USP24: variants seen among roughly 807,000 people sequenced by gnomAD.
The protein encoded by USP24 is ubiquitin carboxyl-terminal hydrolase 24.
A neutral mutation model predicts 361.6 loss-of-function variants in USP24; 97 were observed. The ratio of observed to expected loss-of-function variants is 0.27; its 90% CI spans 0.23 to 0.32. The LOEUF is 0.32. Ranked by LOEUF, USP24 falls within the 10% of genes least tolerant of loss-of-function variation. The pLI is 1.00. For synonymous variants in USP24, 1,098 were observed against 1,124.6 expected, an observed-to-expected ratio of 0.98 and a Z score of 0.47; for missense variants, 2,353 against 3,165.6, an observed-to-expected ratio of 0.74 and a Z score of 6.16.
At position 55,215,190 on chromosome 1, in the gene USP24, CCCTCCGCGCCG is replaced by C. The variant is rs562348294; in HGVS notation, c.-88_-78del. On this transcript the variant is annotated 5_prime_UTR_variant, in exon 1 of 68. Transcript: ENST00000294383. The stretch of plus-strand genomic sequence containing the variant: ...CGGGCCTGGCGGGCCGCGCGGCGCA[CCCTCCGCGCCG>C]CCTCCGCGCCCAGGTTGGCCCCTGC... The C allele has an allele frequency of 3.9e-4, 450 of 1,143,268 alleles. 5 individuals carry two copies. The South Asian group carries it at 0.013, about 32-fold the overall frequency. The allele number at this position is 1,143,268 out of a possible 1,614,324, so 70.8% of individuals were successfully genotyped here. A position where few individuals can be genotyped will look rare whatever the true frequency, so the allele number is the denominator to read the frequency against.
chr1:55,091,791 G>A (rs1241114024), intron 54 of USP24, among the ~76,000 whole-genome samples: 4 of 152,084 alleles, frequency 2.6e-5, no homozygotes, highest in Non-Finnish European at 5.9e-5. Context: ...TGCCCAATTC[G>A]AAGATGTACA....
intron 5 of USP24, among the ~76,000 whole-genome samples, chr1:55,167,929 G>A (rs538949982): frequency 6.6e-6 from 1 of 152,230 alleles, no homozygotes; most frequent in African/African-American, 2.4e-5. Flanking sequence ...GGAGATAATT[G>A]ACTCTTCAAG....
chr1:55,172,240 A>C, intron 4 of USP24, 137 bp downstream of exon 4: 1 of 900,518 alleles, frequency 1.1e-6, no homozygotes, highest in Non-Finnish European at 1.5e-6. Flanking sequence ...TGCTTTTAAA[A>C]TAAAGACAAA....
At chr1:55,098,416 C>T (rs1645546068) in intron 46 of USP24, 60 bp downstream of exon 46, 2 of 1,460,008 alleles carry the variant, frequency 1.4e-6, no homozygotes, top group African/African-American at 1.4e-5. Context: ...TTACAACATA[C>T]TAAACAAATC....
intron 39 of USP24, among the ~76,000 whole-genome samples, chr1:55,109,024 T>G (rs952292373): frequency 6.6e-6 from 1 of 152,242 alleles, no homozygotes; most frequent in Admixed American, 6.5e-5. Context: ...TGTCTCGCTC[T>G]GTCGCCCAGG....
At chr1:55,150,951 T>C (rs2100728840) in intron 16 of USP24, among the ~76,000 whole-genome samples, 1 of 152,350 alleles carries the variant, frequency 6.6e-6, no homozygotes, top group East Asian at 1.9e-4. Flanking sequence ...AGAGGTCAGT[T>C]GGTTTAGCCT....
intron 63 of USP24, 53 bp from the exon 64 acceptor site, chr1:55,073,959 C>G: frequency 1.4e-6 from 2 of 1,423,950 alleles, no homozygotes; most frequent in Non-Finnish European, 1.9e-6. Context: ...CTGAAAATGG[C>G]TCCAAGTGAC....
intron 51 of USP24, among the ~76,000 whole-genome samples, chr1:55,094,326 T>G (rs577718888): frequency 6.6e-6 from 1 of 152,312 alleles, no homozygotes; most frequent in East Asian, 1.9e-4. Flanking sequence ...GATAAAATAG[T>G]GCAGGGCAAA....
intron 26 of USP24, among the ~76,000 whole-genome samples, chr1:55,138,388 C>T (rs554257310): frequency 6.6e-6 from 1 of 152,218 alleles, no homozygotes; most frequent in East Asian, 1.9e-4. Flanking sequence ...TCCTGCTTTA[C>T]TCTTATTTGT....
chr1:55,126,650 G>A (rs1236307450), intron 32 of USP24, among the ~76,000 whole-genome samples: 1 of 152,240 alleles, frequency 6.6e-6, no homozygotes, highest in Non-Finnish European at 1.5e-5. Flanking sequence ...TGTGAAAGGA[G>A]TTTGTACTAA....
chr1:55,172,277 G>A lies in USP24; in HGVS notation c.702+100C>T, dbSNP rs1649530593. ...GATCCTAACAGCTAATATCCTTAAC[G>A]ATAAAATTATTATCACTCATTATTA... On this transcript the variant is annotated intron_variant, in intron 4 of 67. Transcript: ENST00000294383. The A allele has an allele frequency of 9.7e-6, 11 of 1,138,716 alleles. No homozygotes were observed. The East Asian group carries it at 1.2e-4, about 12-fold the overall frequency. 70.5% of individuals were successfully genotyped at this position (1,138,716 alleles called of 1,614,324 possible).
At chr1:55,110,587 G>A (rs1028001285) in intron 38 of USP24, among the ~76,000 whole-genome samples, 1 of 152,172 alleles carries the variant, frequency 6.6e-6, no homozygotes, top group African/African-American at 2.4e-5. Flanking sequence ...GCCTGGAACT[G>A]TTTTGGGAGA....
rs1395904306 is a variant in USP24 at position 55,215,354 on chromosome 1, G to A, written c.-241C>T. 6.6e-6 allele frequency among the ~76,000 whole-genome samples: 1 copy of A among 151,938 alleles called. No homozygotes were observed. Among genetic ancestry groups the A allele is most frequent in the African/African-American group, 2.4e-5 (1 of 41,414 alleles). ...CCGGCCCAGCCCTGCGCGCCGCCAT[G>A]TTGGCCTCCTCCCCCTCCGCCTCCT... On this transcript the variant is annotated 5_prime_UTR_variant, in exon 1 of 68. Coordinates refer to ENST00000294383, the MANE Select transcript of USP24 (RefSeq NM_015306.3).
intron 9 of USP24, among the ~76,000 whole-genome samples, 186 bp downstream of exon 9, chr1:55,159,425 T>C (rs1293902983): frequency 1.3e-5 from 2 of 152,198 alleles, no homozygotes; most frequent in African/African-American, 2.4e-5. Flanking sequence ...CTCTATTGAC[T>C]AGAGGTAACA....
At chr1:55,194,202 C>A (rs1223928509) in intron 1 of USP24, among the ~76,000 whole-genome samples, 4 of 152,206 alleles carry the variant, frequency 2.6e-5, no homozygotes, top group African/African-American at 4.8e-5. Flanking sequence ...CTAGCAGAAG[C>A]AATCAACTTT....
At chr1:55,157,700 C>T (rs1255381780) in intron 10 of USP24, among the ~76,000 whole-genome samples, 1 of 151,746 alleles carries the variant, frequency 6.6e-6, no homozygotes, top group Non-Finnish European at 1.5e-5. Flanking sequence ...TGGGCGTAGT[C>T]GTGGGCGCCT....
intron 9 of USP24, 34 bp downstream of exon 9, chr1:55,159,577 C>G: frequency 6.5e-7 from 1 of 1,540,148 alleles, no homozygotes; most frequent in East Asian, 2.4e-5. Flanking sequence ...AACTAACTGG[C>G]ACTGGGGCCT....
rs113684872 is a variant in USP24 at position 55,161,755 on chromosome 1, C to T, written c.993+444G>A. ...TATGACCTGCTGACTTACAATCCTA[C>T]GGAGGTAGGAAATCAGACAAGATGT... is the stretch of plus-strand genomic sequence containing the variant. On this transcript the variant is annotated intron_variant, in intron 8 of 67. Coordinates refer to ENST00000294383, the MANE Select transcript of USP24 (RefSeq NM_015306.3). Among the ~76,000 whole-genome samples, 1,113 of 152,164 alleles carry T rather than the reference C, an allele frequency of 7.3e-3. 17 individuals are homozygous for T. The highest frequency in any genetic ancestry group is 0.026 in the African/African-American group (1,067 of 41,492).
At chr1:55,169,474 T>A (rs1649227284) in intron 5 of USP24, among the ~76,000 whole-genome samples, 1 of 152,076 alleles carries the variant, frequency 6.6e-6, no homozygotes, top group Non-Finnish European at 1.5e-5. Flanking sequence ...AGAAGCCCAA[T>A]GAATCTGAAG....
Sources: gnomAD v4.1 joint callset for allele counts (sites outside exome capture counted in the v4.1 genomes callset) on GRCh38, gnomAD v4.1.1 for gene constraint, MANE v1.5 for transcripts, NCBI Gene and HGNC (gene_info 2026-07-23, HGNC 2026-07-21) for gene names.